Variants in RCAN2 observed in about 807,000 individuals in gnomAD.
RCAN2 encodes calcipressin-2.
RCAN2 carries 9 observed loss-of-function variants against 23.6 expected under a neutral mutation model. That is an observed-to-expected ratio of 0.38 (90% CI 0.23 to 0.67). The LOEUF (loss-of-function observed/expected upper bound fraction) is 0.67, where lower values mean the gene tolerates loss of function less well. Ranked by LOEUF, RCAN2 falls within the 30% of genes least tolerant of loss-of-function variation. The pLI is 0.51. For synonymous variants in RCAN2, 109 were observed against 115.7 expected (o/e 0.94, Z 0.37); for missense variants, 273 against 302.3 (o/e 0.90, Z 0.72).
intron 2 of RCAN2, among the ~76,000 whole-genome samples, chr6:46,313,722 T>C (rs1320437969): frequency 1.3e-5 from 2 of 152,222 alleles, no homozygotes; most frequent in African/African-American, 4.8e-5. Flanking sequence ...GGGGAACTCT[T>C]CTAACCAGAA....
At chr6:46,339,374 G>A (rs191956852) in intron 2 of RCAN2, among the ~76,000 whole-genome samples, 48 of 152,082 alleles carry the variant, frequency 3.2e-4, no homozygotes, top group South Asian at 6.2e-4. Flanking sequence ...GCCACATTTC[G>A]CTGGATTTTG....
At chr6:46,334,107 T>G (rs1344128748) in intron 2 of RCAN2, among the ~76,000 whole-genome samples, 2 of 152,240 alleles carry the variant, frequency 1.3e-5, no homozygotes, top group African/African-American at 2.4e-5. Flanking sequence ...ACAGCATTCA[T>G]GTCTCTGCTT....
At chr6:46,247,799 G>C (rs1263368362) in intron 3 of RCAN2, among the ~76,000 whole-genome samples, 1 of 152,212 alleles carries the variant, frequency 6.6e-6, no homozygotes, top group Non-Finnish European at 1.5e-5. Context: ...TGTGAATAGT[G>C]CTGTTGTGAA....
chr6:46,418,693 GTGTATATATATATATA>G (rs962363387), intron 2 of RCAN2, among the ~76,000 whole-genome samples: 5 of 99,606 alleles, frequency 5.0e-5, no homozygotes, highest in African/African-American at 1.8e-4. Context: ...ATATGTGTGT[GTGTATATATATATATA>G]TATATATATA....
At chr6:46,343,393 T>TTTTTGG (rs1764388634) in intron 2 of RCAN2, among the ~76,000 whole-genome samples, 1 of 150,582 alleles carries the variant, frequency 6.6e-6, no homozygotes. Context: ...TTTTTTTTTT[T>TTTTTGG]GAGACAGAGT....
chr6:46,340,821 T>C (rs1453803819), intron 2 of RCAN2, among the ~76,000 whole-genome samples: 1 of 152,242 alleles, frequency 6.6e-6, no homozygotes, highest in African/African-American at 2.4e-5. Flanking sequence ...TTATACAGAA[T>C]CAAAAGCCAA....
chr6:46,323,289 T>C (rs1339214958), intron 2 of RCAN2, among the ~76,000 whole-genome samples: 3 of 151,890 alleles, frequency 2.0e-5, no homozygotes, highest in Non-Finnish European at 4.4e-5. Context: ...ATTCTACATG[T>C]AAAATTCTCT....
intron 2 of RCAN2, among the ~76,000 whole-genome samples, chr6:46,394,032 A>G (rs945106939): frequency 2.6e-5 from 4 of 152,208 alleles, no homozygotes; most frequent in Admixed American, 6.5e-5. Context: ...TGAAAGCTCA[A>G]ACAATGTGAA....
intron 2 of RCAN2, among the ~76,000 whole-genome samples, chr6:46,304,602 TATAAG>T (rs1304140993): frequency 1.3e-5 from 2 of 152,054 alleles, no homozygotes; most frequent in Admixed American, 1.3e-4. Flanking sequence ...TTTCTTCAGA[TATAAG>T]AGAGGAAAGA....
intron 2 of RCAN2, among the ~76,000 whole-genome samples, chr6:46,439,904 C>T (rs778524830): frequency 3.9e-5 from 6 of 152,184 alleles, no homozygotes. Context: ...AAGAGTGAAA[C>T]GACTTTCCTT....
At chr6:46,413,251 A>G (rs1288004758) in intron 2 of RCAN2, among the ~76,000 whole-genome samples, 1 of 152,266 alleles carries the variant, frequency 6.6e-6, no homozygotes, top group African/African-American at 2.4e-5. Context: ...TCTCAGAGAC[A>G]GTATGAATGA....
At chr6:46,339,959 C>T (rs1424682288) in intron 2 of RCAN2, among the ~76,000 whole-genome samples, 1 of 151,660 alleles carries the variant, frequency 6.6e-6, no homozygotes, top group East Asian at 1.9e-4. Context: ...TACATGAATC[C>T]ATTACAGCTG....
At chr6:46,482,945 G>A (rs1363519116) in intron 1 of RCAN2, among the ~76,000 whole-genome samples, 1 of 152,158 alleles carries the variant, frequency 6.6e-6, no homozygotes, top group Non-Finnish European at 1.5e-5. Flanking sequence ...TGCCACATTT[G>A]GGCATTCTAC....
intron 2 of RCAN2, among the ~76,000 whole-genome samples, chr6:46,290,489 G>A (rs1762522397): frequency 6.6e-6 from 1 of 152,160 alleles, no homozygotes; most frequent in Admixed American, 6.5e-5. Flanking sequence ...ATGGAAGCCT[G>A]CAGCATTTGA....
At chr6:46,364,035 G>A (rs545211649) in intron 2 of RCAN2, among the ~76,000 whole-genome samples, 123 of 152,250 alleles carry the variant, frequency 8.1e-4, no homozygotes, top group African/African-American at 2.8e-3. Context: ...GCTCAAAGAC[G>A]ATGAAAAACC....
chr6:46,323,305 C>T (rs941890856), intron 2 of RCAN2, among the ~76,000 whole-genome samples: 2 of 151,098 alleles, frequency 1.3e-5, no homozygotes, highest in African/African-American at 4.9e-5. Context: ...TCTCTTGTCT[C>T]TAAGCTAATA....
At chr6:46,240,454 C>CT (rs35545068) in intron 4 of RCAN2, among the ~76,000 whole-genome samples, 11 of 151,790 alleles carry the variant, frequency 7.2e-5, no homozygotes, top group Non-Finnish European at 1.2e-4. Flanking sequence ...CTGAAAAAAC[C>CT]TTTTTTTTCC....
At chr6:46,474,430 A>G (rs1359328298) in intron 1 of RCAN2, among the ~76,000 whole-genome samples, 1 of 152,184 alleles carries the variant, frequency 6.6e-6, no homozygotes, top group African/African-American at 2.4e-5. Flanking sequence ...GCAATGAGGA[A>G]TATTCTTGAA....
intron 2 of RCAN2, among the ~76,000 whole-genome samples, chr6:46,255,248 GTGTGTGTGTGTA>G (rs937538401): frequency 3.3e-5 from 5 of 151,900 alleles, no homozygotes; most frequent in African/African-American, 1.2e-4. Context: ...CAAGACAGGT[GTGTGTGTGTGTA>G]TGTGTGTGTG....
Sources: allele counts gnomAD v4.1 joint callset (sites outside exome capture counted in the v4.1 genomes callset), GRCh38; gene constraint gnomAD v4.1.1; transcripts MANE v1.5; gene names NCBI Gene and HGNC (gene_info 2026-07-23, HGNC 2026-07-21).